The following GALNT8 variants were observed in gnomAD, a reference collection of about 807,000 sequenced individuals.
GALNT8 encodes polypeptide N-acetylgalactosaminyltransferase 8.
GALNT8 carries 66 observed loss-of-function variants against 62.7 expected under a neutral mutation model. That is an observed-to-expected ratio of 1.05 (90% CI 0.86 to 1.29). GALNT8 has a LOEUF of 1.29. Among genes scored for constraint, GALNT8 ranks in the 50% most tolerant of loss-of-function variants. The pLI is 0.00. For synonymous variants in GALNT8, 288 were observed against 294.3 expected (o/e 0.98, Z 0.22); for missense variants, 771 against 791.8 (o/e 0.97, Z 0.32).
At chr12:4,730,301 T>A (rs1386893545) in intron 2 of GALNT8, among the ~76,000 whole-genome samples, 1 of 152,214 alleles carries the variant, frequency 6.6e-6, no homozygotes. Context: ...ACCAATGTCC[T>A]GGAAAATTTT....
At position 4,749,647 on chromosome 12, in the gene GALNT8, C is replaced by G. The variant is rs1345114881; in HGVS notation, c.1173+3389C>G. ...TTTTTTTTTTTTAACGTGTCTTTGT[C>G]TTGTTTTGGTAGCAGGGTAATACTG... is the stretch of plus-strand genomic sequence containing the variant. On this transcript the variant is annotated intron_variant, in intron 6 of 10. Transcript: ENST00000252318. This position sits in a 1 kb window ranked among gnomAD's most constrained non-coding sequence, Gnocchi z 4.1. Among the ~76,000 whole-genome samples, 6 of 149,028 alleles carry G rather than the reference C, an allele frequency of 4.0e-5. No homozygotes were observed. Among genetic ancestry groups the G allele is most frequent in the Non-Finnish European group, 8.9e-5 (6 of 67,306 alleles).
At chr12:4,765,795 A>G (rs953902664) in intron 10 of GALNT8, among the ~76,000 whole-genome samples, 3 of 152,192 alleles carry the variant, frequency 2.0e-5, no homozygotes, top group Admixed American at 6.5e-5. Context: ...AAAATTGAAA[A>G]GGGAGGTGAT....
intron 1 of GALNT8, among the ~76,000 whole-genome samples, chr12:4,725,328 A>G (rs1946189745): frequency 6.6e-6 from 1 of 152,184 alleles, no homozygotes; most frequent in South Asian, 2.1e-4. Context: ...AGATGACGTC[A>G]TGGATCCTGG....
intron 6 of GALNT8, among the ~76,000 whole-genome samples, chr12:4,758,434 T>C (rs1946354696): frequency 1.3e-5 from 2 of 152,260 alleles, no homozygotes; most frequent in Non-Finnish European, 2.9e-5. Context: ...GTGCCAGAAC[T>C]GAACATGTAA....
rs1946253521 is a variant in GALNT8 at position 4,738,053 on chromosome 12, T to G, written c.510-1110T>G. Among the ~76,000 whole-genome samples, 3 of 152,236 alleles carry G rather than the reference T, an allele frequency of 2.0e-5. No homozygotes were observed. In the South Asian group the frequency reaches 6.2e-4, roughly 32 times the overall value. ...CTCTAGCCTGCTTTAGCTTTCTACATGGTGGAATGAAAATACCCAACTTTA... is the reference window on the plus strand; with the variant it reads ...CTCTAGCCTGCTTTAGCTTTCTACAGGGTGGAATGAAAATACCCAACTTTA... On this transcript the variant is annotated intron_variant, in intron 2 of 10. Transcript: ENST00000252318.
chr12:4,763,444 A>T (rs1421052055), intron 8 of GALNT8, 54 bp downstream of exon 8: 2 of 1,454,984 alleles, frequency 1.4e-6, no homozygotes, highest in Admixed American at 3.4e-5. Flanking sequence ...GTGAAAGACA[A>T]TGCGGCCTGA....
intron 10 of GALNT8, 105 bp downstream of exon 10, chr12:4,765,651 T>C: frequency 1.3e-6 from 1 of 761,580 alleles, no homozygotes; most frequent in Non-Finnish European, 2.1e-6. Context: ...GCTTCTCAGC[T>C]GACTGAGGCT....
At chr12:4,765,289 C>A (rs1228559996) in intron 9 of GALNT8, 90 bp from the exon 10 acceptor site, 1 of 1,272,410 alleles carries the variant, frequency 7.9e-7, no homozygotes, top group Non-Finnish European at 1.1e-6. Flanking sequence ...CAAGATCATT[C>A]TTCCTGCTGT....
Position 4,726,901 on chromosome 12 carries a change from A to G in GALNT8, c.509+72A>G, listed in dbSNP as rs1451107853. On this transcript the variant is annotated intron_variant, in intron 2 of 10. Coordinates refer to ENST00000252318, the MANE Select transcript of GALNT8 (RefSeq NM_017417.2). This position sits in a 1 kb window ranked among gnomAD's most constrained non-coding sequence, Gnocchi z 4.1. ...AGGATGAGCTTTGGGAGCAGTGAAC[A>G]TTGAAGGCTGGGGGAGTGGGGGATT... is the stretch of plus-strand genomic sequence containing the variant. 2.3e-6 allele frequency: 3 copies of G among 1,319,766 alleles called. No homozygotes were observed. The East Asian group carries it at 6.9e-5, about 31-fold the overall frequency. The allele number at this position is 1,319,766 out of a possible 1,614,324, so 81.8% of individuals were successfully genotyped here.
chr12:4,720,806 G>A lies in GALNT8; in HGVS notation c.129G>A (p.Arg43=). Residue 43 remains arginine, a synonymous_variant, in exon 1 of 11, where the codon AGG becomes AGA. Transcript: ENST00000252318. ...LQNLFTGGLH[R]ELPLHLNKRY... is the part of the protein sequence containing the mutation. Reference sequence around the variant, plus strand: ...ACCTGTTTACGGGTGGTCTCCACAGGGAGCTTCCTTTACATCTGAATAAAC... The same window carrying A: ...ACCTGTTTACGGGTGGTCTCCACAGAGAGCTTCCTTTACATCTGAATAAAC... 1 of 1,612,128 alleles carries A rather than the reference G, an allele frequency of 6.2e-7. No individual in the cohort carries two copies. The highest frequency in any genetic ancestry group is 8.5e-7 in the Non-Finnish European group (1 of 1,178,224).
At position 4,726,457 on chromosome 12, in the gene GALNT8, A is replaced by G; in HGVS notation, c.212-75A>G. On this transcript the variant is annotated intron_variant, in intron 1 of 10. Transcript: ENST00000252318. The surrounding 1 kb of genome is among the most constrained non-coding windows in gnomAD (Gnocchi z 4.1). ...GGGTAAACCGTTAGAGGAAATTAGG[A>G]TGGAAAGGAATACCCAGGTAACTAA... 1.0e-6 allele frequency: 1 copy of G among 989,022 alleles called. No homozygotes were observed. Among genetic ancestry groups the G allele is most frequent in the Non-Finnish European group, 1.5e-6 (1 of 654,994 alleles). The allele number at this position is 989,022 out of a possible 1,614,324, so 61.3% of individuals were successfully genotyped here. A position where few individuals can be genotyped will look rare whatever the true frequency, so the allele number is the denominator to read the frequency against.
chr12:4,764,585 C>T (rs1417876344), intron 9 of GALNT8, among the ~76,000 whole-genome samples: 1 of 144,294 alleles, frequency 6.9e-6, no homozygotes, highest in Non-Finnish European at 1.5e-5. Context: ...GATCTGTCGC[C>T]CAGGCTGGAG....
chr12:4,753,666 A>T (rs1199546951), intron 6 of GALNT8, among the ~76,000 whole-genome samples: 2 of 152,102 alleles, frequency 1.3e-5, no homozygotes, highest in Non-Finnish European at 2.9e-5. Flanking sequence ...TTTCTCTAGG[A>T]TTGGTCCCTT....
At chr12:4,770,314 A>C (rs1946417546) in intron 10 of GALNT8, among the ~76,000 whole-genome samples, 3 of 151,918 alleles carry the variant, frequency 2.0e-5, no homozygotes, top group South Asian at 4.2e-4. Flanking sequence ...AAGAAAAAAA[A>C]AAAAACAAAA....
chr12:4,771,711 A>T (rs1314941912), intron 10 of GALNT8, among the ~76,000 whole-genome samples: 4 of 152,118 alleles, frequency 2.6e-5, no homozygotes, highest in Non-Finnish European at 4.4e-5. Flanking sequence ...AGTCCTGCAA[A>T]GGGTGGAGAG....
chr12:4,769,738 A>C (rs1179505312), intron 10 of GALNT8, among the ~76,000 whole-genome samples: 1 of 151,894 alleles, frequency 6.6e-6, no homozygotes, highest in Non-Finnish European at 1.5e-5. Context: ...CTATAAATAC[A>C]CTTCTAGTCA....
In GALNT8 at chr12:4,772,485, A is replaced by G. The variant is rs866701227; in HGVS notation, c.1802A>G (p.Glu601Gly). 1 of 1,613,784 alleles carries G rather than the reference A, an allele frequency of 6.2e-7. No individual in the cohort carries two copies. The highest frequency in any genetic ancestry group is 1.7e-4 in the Middle Eastern group (1 of 6,060). ...VINRDTKRCL[E>G]MKKDLLGSHV... ...AACAGAGATACCAAGCGGTGTCTGG[A>G]GATGAAGAAGGATCTTTTGGGTAGC... is the stretch of plus-strand genomic sequence containing the variant. The change falls in exon 11 of 11, where the codon GAG (glutamate) becomes GGG (glycine). Residue 601 changes from glutamate (E) to glycine (G), a missense_variant. Physicochemically the swap from Glu to Gly is moderately conservative, Grantham distance 98. Coordinates refer to ENST00000252318, the MANE Select transcript of GALNT8 (RefSeq NM_017417.2).
chr12:4,720,875 A>C lies in GALNT8; in HGVS notation c.198A>C (p.Glu66Asp). ...VIKRLSHLEVELQDLKESMKL... is the reference protein window; with the variant it reads ...VIKRLSHLEVDLQDLKESMKL... ...AGAGACTCTCCCACTTGGAGGTGGA[A>C]TTGCAGGATCTGAGTAAGTTTACAA... Residue 66 changes from glutamate (E) to aspartate (D), a missense_variant, in exon 1 of 11, where the codon GAA becomes GAC. Transcript: ENST00000252318. The C allele has an allele frequency of 1.3e-6, 2 of 1,590,888 alleles. No individual in the cohort carries two copies. Among genetic ancestry groups the C allele is most frequent in the East Asian group, 4.5e-5 (2 of 44,762 alleles).
intron 7 of GALNT8, among the ~76,000 whole-genome samples, chr12:4,762,232 A>G (rs1446299411): frequency 6.6e-6 from 1 of 152,166 alleles, no homozygotes; most frequent in Non-Finnish European, 1.5e-5. Flanking sequence ...TTATTTCCAC[A>G]CAGTCATATT....
Sources: gnomAD v4.1 joint callset for allele counts (sites outside exome capture counted in the v4.1 genomes callset) on GRCh38, gnomAD v4.1.1 for gene constraint, Gnocchi (gnomAD v3.1) non-coding constraint, MANE v1.5 for transcripts, NCBI Gene and HGNC (gene_info 2026-07-23, HGNC 2026-07-21) for gene names.